The following PARP8 variants were observed in gnomAD, a reference collection of about 807,000 sequenced individuals.
The protein encoded by PARP8 is protein mono-ADP-ribosyltransferase PARP8.
In PARP8, 51 loss-of-function variants were observed where a neutral mutation model predicts 124.1. That is an observed-to-expected ratio of 0.41 (90% CI 0.33 to 0.52). The LOEUF (loss-of-function observed/expected upper bound fraction) is 0.52. Among genes scored for constraint, PARP8 ranks in the 20% least tolerant of loss-of-function variants. The pLI is 0.21. For synonymous variants in PARP8, 391 were observed against 361.5 expected, an observed-to-expected ratio of 1.08 and a Z score of -0.93; for missense variants, 860 against 1,018.9, an observed-to-expected ratio of 0.84 and a Z score of 2.12.
At chr5:50,707,627 C>CAGAG (rs34400961) in intron 2 of PARP8, among the ~76,000 whole-genome samples, 2,788 of 145,262 alleles carry the variant, frequency 0.019, 37 homozygotes, top group East Asian at 0.047. Context: ...ATAGGGGAGA[C>CAGAG]AGAGAGAGAG....
rs893726286 is a variant in PARP8 at position 50,843,020 on chromosome 5, T to C, written c.*952T>C. ...TTACTACAAAAAAATTATACAATTTTATTTATGCCACACCAGCATTTTTAT... is the reference window on the plus strand; with the variant it reads ...TTACTACAAAAAAATTATACAATTTCATTTATGCCACACCAGCATTTTTAT... On this transcript the variant is annotated 3_prime_UTR_variant, in exon 26 of 26. Coordinates refer to ENST00000281631, the MANE Select transcript of PARP8 (RefSeq NM_024615.4). 16 of 151,728 alleles carry C rather than the reference T, an allele frequency of 1.1e-4. No individual in the cohort carries two copies. Among genetic ancestry groups the C allele is most frequent in the Admixed American group, 4.0e-4 (6 of 15,170 alleles). 9.4% of individuals were successfully genotyped at this position (151,728 alleles called of 1,614,324 possible).
At chr5:50,828,282 T>C (rs2149712427) in intron 20 of PARP8, 30 bp from the exon 21 acceptor site, 1 of 1,597,182 alleles carries the variant, frequency 6.3e-7, no homozygotes, top group East Asian at 2.2e-5. Flanking sequence ...TTTTCTGGTT[T>C]TGCTTTTTCC....
At chr5:50,738,834 C>T (rs1454340318) in intron 2 of PARP8, 11 of 565,088 alleles carry the variant, frequency 1.9e-5, no homozygotes, top group Admixed American at 5.2e-5. Context: ...ACGGCTTGGA[C>T]GAGCTTGGCT....
intron 2 of PARP8, among the ~76,000 whole-genome samples, chr5:50,673,356 GT>G (rs963461771): frequency 3.3e-5 from 5 of 152,106 alleles, no homozygotes; most frequent in Admixed American, 3.3e-4. Context: ...ACTTTATTGA[GT>G]TTTTTTGTAT....
intron 2 of PARP8, among the ~76,000 whole-genome samples, chr5:50,711,278 G>T (rs751232496): frequency 1.3e-5 from 2 of 152,102 alleles, no homozygotes; most frequent in African/African-American, 2.4e-5. Flanking sequence ...GGGAACACCA[G>T]TGTTGTTCAA....
At chr5:50,778,450 C>CTTCATGTTA (rs1740282510) in intron 8 of PARP8, 110 bp from the exon 9 acceptor site, 2 of 860,546 alleles carry the variant, frequency 2.3e-6, no homozygotes, top group Admixed American at 2.8e-5. Context: ...ACTTATAGGC[C>CTTCATGTTA]TTCATGTTAT....
intron 10 of PARP8, 88 bp downstream of exon 10, chr5:50,788,677 A>G: frequency 2.7e-6 from 2 of 728,940 alleles, no homozygotes; most frequent in Non-Finnish European, 4.0e-6. Flanking sequence ...ACAAAAACCT[A>G]TTCAGTAAGA....
intron 14 of PARP8, among the ~76,000 whole-genome samples, chr5:50,797,599 G>T (rs1475764739): frequency 6.6e-6 from 1 of 152,162 alleles, no homozygotes; most frequent in Non-Finnish European, 1.5e-5. Context: ...CACAATTTAA[G>T]ATGCTGAATA....
rs554164734 is a variant in PARP8 at position 50,695,540 on chromosome 5, A to G, written c.146+27415A>G. Among the ~76,000 whole-genome samples the G allele has an allele frequency of 6.6e-4, 101 of 152,374 alleles. 1 individual carries two copies. The highest frequency in any genetic ancestry group is 2.3e-3 in the African/African-American group (94 of 41,590). ...TAATGATTATTGTCAATAAAAGGGC[A>G]AAACAGTTATATAAACTAATCTTTT... On this transcript the variant is annotated intron_variant, in intron 2 of 25. Transcript: ENST00000281631.
At chr5:50,692,336 T>A (rs1291638983) in intron 2 of PARP8, among the ~76,000 whole-genome samples, 1 of 152,108 alleles carries the variant, frequency 6.6e-6, no homozygotes, top group Non-Finnish European at 1.5e-5. Context: ...TATTCCTGTT[T>A]ATTTCAGTGG....
At chr5:50,829,753 T>C (rs1290553177) in intron 21 of PARP8, 139 bp from the exon 22 acceptor site, 1 of 760,042 alleles carries the variant, frequency 1.3e-6, no homozygotes, top group African/African-American at 1.8e-5. Context: ...AGTACTGTTT[T>C]CAAATTAGAC....
intron 2 of PARP8, among the ~76,000 whole-genome samples, chr5:50,712,039 CAG>C (rs1754812961): frequency 6.6e-6 from 1 of 152,082 alleles, no homozygotes; most frequent in African/African-American, 2.4e-5. Flanking sequence ...CCACTTCTGA[CAG>C]ATATTTATGG....
chr5:50,808,852 G>A (rs1447383622), intron 14 of PARP8, among the ~76,000 whole-genome samples: 1 of 151,904 alleles, frequency 6.6e-6, no homozygotes, highest in Admixed American at 6.6e-5. Context: ...AGAGTAAAAC[G>A]GGTAGGTCTG....
At chr5:50,743,911 T>G (rs1320858777) in intron 2 of PARP8, among the ~76,000 whole-genome samples, 1 of 152,192 alleles carries the variant, frequency 6.6e-6, no homozygotes, top group Non-Finnish European at 1.5e-5. Context: ...GGGATCTAAC[T>G]GGGAGGGATA....
intron 2 of PARP8, among the ~76,000 whole-genome samples, chr5:50,695,886 C>T (rs1752974169): frequency 6.6e-6 from 1 of 151,666 alleles, no homozygotes; most frequent in Non-Finnish European, 1.5e-5. Context: ...AAATCATTCT[C>T]CTCTATGCAT....
At chr5:50,824,848 T>C in intron 17 of PARP8, 60 bp from the exon 18 acceptor site, 1 of 1,440,312 alleles carries the variant, frequency 6.9e-7, no homozygotes. Flanking sequence ...ATTTTCCTTT[T>C]GTGAAAACGG....
intron 2 of PARP8, among the ~76,000 whole-genome samples, chr5:50,699,795 G>C (rs1753394548): frequency 6.6e-6 from 1 of 152,142 alleles, no homozygotes; most frequent in African/African-American, 2.4e-5. Flanking sequence ...AAAGTGAGCT[G>C]ATGCTGCGGG....
Position 50,675,784 on chromosome 5 carries a change from C to T in PARP8, c.146+7659C>T, listed in dbSNP as rs564779713. Among the ~76,000 whole-genome samples the T allele has an allele frequency of 1.3e-4, 20 of 151,290 alleles. 1 individual carries two copies. Among genetic ancestry groups the T allele is most frequent in the African/African-American group, 4.4e-4 (18 of 41,116 alleles). On this transcript the variant is annotated intron_variant, in intron 2 of 25. Coordinates refer to ENST00000281631, the MANE Select transcript of PARP8 (RefSeq NM_024615.4). ...ATAAAGTACAGACAAAAGTGGAAAACAAACCAGGAAAAAAAAATTGTTAAG... is the reference window on the plus strand; with the variant it reads ...ATAAAGTACAGACAAAAGTGGAAAATAAACCAGGAAAAAAAAATTGTTAAG...
At chr5:50,712,083 A>G (rs1754816700) in intron 2 of PARP8, among the ~76,000 whole-genome samples, 2 of 152,118 alleles carry the variant, frequency 1.3e-5, no homozygotes, top group Admixed American at 6.6e-5. Context: ...ATCAATTTTA[A>G]GAGTAGTAAG....
Sources: allele counts gnomAD v4.1 joint callset (sites outside exome capture counted in the v4.1 genomes callset), GRCh38; gene constraint gnomAD v4.1.1; transcripts MANE v1.5; gene names NCBI Gene and HGNC (gene_info 2026-07-23, HGNC 2026-07-21).